RALGAPA2: variants seen among roughly 807,000 people sequenced by gnomAD.
The protein encoded by RALGAPA2 is Ral GTPase activating protein catalytic subunit alpha 2.
Under a neutral mutation model 230.4 loss-of-function variants are expected in RALGAPA2, and 139 were observed. The ratio of observed to expected loss-of-function variants is 0.60; its 90% CI spans 0.53 to 0.69. The LOEUF is 0.69. Among genes scored for constraint, RALGAPA2 ranks in the 30% least tolerant of loss-of-function variants. The pLI is 0.00. For missense variants in RALGAPA2, 2,163 were observed against 2,276.0 expected, an observed-to-expected ratio of 0.95 and a Z score of 1.01; for synonymous variants, 847 against 837.8, an observed-to-expected ratio of 1.01 and a Z score of -0.19.
Position 20,512,918 on chromosome 20 carries a change from C to T in RALGAPA2, c.4451G>A (p.Cys1484Tyr). The T allele has an allele frequency of 6.2e-7, 1 of 1,613,868 alleles. No homozygotes were observed. Among genetic ancestry groups the T allele is most frequent in the Non-Finnish European group, 8.5e-7 (1 of 1,179,784 alleles). ...AGGATTTCTTCCATTGGGTGCTAAGCAGCCTTCCAAAGGTCCATATAAAAC... is the reference window on the plus strand; with the variant it reads ...AGGATTTCTTCCATTGGGTGCTAAGTAGCCTTCCAAAGGTCCATATAAAAC... ...GKVLYGPLEG[C>Y]LAPNGRNPSF... The change falls in exon 32 of 40, where the codon TGC (cysteine) becomes TAC (tyrosine). Residue 1484 changes from cysteine (C) to tyrosine (Y), a missense_variant. Physicochemically the swap from Cys to Tyr is radical, Grantham distance 194. Transcript: ENST00000202677.
intron 21 of RALGAPA2, 97 bp from the exon 22 acceptor site, chr20:20,572,043 A>C (rs2064659586): frequency 1.3e-6 from 1 of 780,440 alleles, no homozygotes; most frequent in Admixed American, 2.4e-5. Context: ...GCTTTCAGTT[A>C]ATTTCTATAA....
chr20:20,669,501 C>T (rs2068064712), intron 3 of RALGAPA2, among the ~76,000 whole-genome samples: 3 of 152,184 alleles, frequency 2.0e-5, no homozygotes, highest in Admixed American at 2.0e-4. Flanking sequence ...CTCTATCCCC[C>T]TCCCCTCAAT....
chr20:20,452,665 G>T (rs1199559251), intron 37 of RALGAPA2, among the ~76,000 whole-genome samples: 3 of 152,238 alleles, frequency 2.0e-5, no homozygotes, highest in African/African-American at 7.2e-5. Flanking sequence ...GCCTTCAGAG[G>T]GGTAAGTGCA....
chr20:20,472,780 C>T, intron 37 of RALGAPA2, 49 bp downstream of exon 37: 1 of 1,561,848 alleles, frequency 6.4e-7, no homozygotes, highest in Non-Finnish European at 8.7e-7. Context: ...TGCCAGGAAT[C>T]TTGATTCTGG....
rs931723506 is a variant in RALGAPA2 at position 20,437,344 on chromosome 20, C to T, written c.5496-25196G>A. Reference sequence around the variant, plus strand: ...AACCTGACCACTTGTCACCACCACACGCCACCATCCAGGCCACGCCATTGT... The same window carrying T: ...AACCTGACCACTTGTCACCACCACATGCCACCATCCAGGCCACGCCATTGT... On this transcript the variant is annotated intron_variant, in intron 37 of 39. Transcript: ENST00000202677. This position sits in a 1 kb window ranked among gnomAD's most constrained non-coding sequence, Gnocchi z 4.1. Among the ~76,000 whole-genome samples, 12 of 152,134 alleles carry T rather than the reference C, an allele frequency of 7.9e-5. No homozygotes were observed. Among genetic ancestry groups the T allele is most frequent in the African/African-American group, 1.4e-4 (6 of 41,420 alleles).
chr20:20,635,393 G>A (rs1341955458), intron 9 of RALGAPA2, 25 bp downstream of exon 9: 2 of 1,554,594 alleles, frequency 1.3e-6, no homozygotes, highest in Non-Finnish European at 1.8e-6. Context: ...AGCATTAACA[G>A]ATAAAAAGAT....
chr20:20,425,323 G>C (rs1444801429), intron 37 of RALGAPA2, among the ~76,000 whole-genome samples: 1 of 152,168 alleles, frequency 6.6e-6, no homozygotes, highest in Non-Finnish European at 1.5e-5. Context: ...GTTGTGTACA[G>C]ATTTTCTTCG....
chr20:20,602,308 GT>G lies in RALGAPA2; in HGVS notation c.2039-463del, dbSNP rs374463250. Among the ~76,000 whole-genome samples the G allele has an allele frequency of 1.5e-4, 23 of 152,322 alleles. No individual in the cohort carries two copies. The East Asian group carries it at 4.2e-3, about 28-fold the overall frequency. ...GCAATCCATGCCTATAAACTCTAAT[GT>G]GGATTCAGTCAAATGGGCAGGATAA... On this transcript the variant is annotated intron_variant, in intron 15 of 39. Coordinates refer to ENST00000202677, the MANE Select transcript of RALGAPA2 (RefSeq NM_020343.4).
At chr20:20,594,208 A>G (rs1223282659) in intron 16 of RALGAPA2, among the ~76,000 whole-genome samples, 1 of 152,198 alleles carries the variant, frequency 6.6e-6, no homozygotes, top group South Asian at 2.1e-4. Context: ...TTGTAACAGT[A>G]TATTTATTGG....
chr20:20,423,742 A>C (rs1351591342), intron 37 of RALGAPA2, among the ~76,000 whole-genome samples: 3 of 152,240 alleles, frequency 2.0e-5, no homozygotes, highest in African/African-American at 7.2e-5. Flanking sequence ...GAATCATTGA[A>C]AGTAAATGTC....
intron 36 of RALGAPA2, among the ~76,000 whole-genome samples, chr20:20,490,959 G>A (rs148848300): frequency 1.2e-3 from 189 of 151,366 alleles, no homozygotes; most frequent in African/African-American, 4.1e-3. Flanking sequence ...CTTCCATGAC[G>A]CTCTGGGGAT....
At chr20:20,558,997 T>A (rs1041948241) in intron 23 of RALGAPA2, among the ~76,000 whole-genome samples, 1 of 152,158 alleles carries the variant, frequency 6.6e-6, no homozygotes, top group Admixed American at 6.5e-5. Context: ...CAAGAACAGA[T>A]TAACAACAAA....
intron 23 of RALGAPA2, among the ~76,000 whole-genome samples, chr20:20,556,809 T>C (rs566083010): frequency 1.3e-5 from 2 of 152,244 alleles, no homozygotes; most frequent in African/African-American, 4.8e-5. Flanking sequence ...AAGGCATTTA[T>C]ACAGCAACAA....
chr20:20,531,877 T>C (rs2063378254), intron 26 of RALGAPA2, 82 bp from the exon 27 acceptor site: 2 of 1,057,990 alleles, frequency 1.9e-6, no homozygotes, highest in South Asian at 1.4e-5. Flanking sequence ...CAAAACACTT[T>C]AAATCTATTT....
intron 37 of RALGAPA2, among the ~76,000 whole-genome samples, chr20:20,458,879 C>T (rs1010186772): frequency 0.042 from 378 of 8,912 alleles, 15 homozygotes; most frequent in African/African-American, 0.18. Context: ...TATATATACA[C>T]ACACACAAAT....
In RALGAPA2 at chr20:20,607,301, G is replaced by A. The variant is rs138038043; in HGVS notation, c.1801-1889C>T. Among the ~76,000 whole-genome samples, 640 of 152,052 alleles carry A rather than the reference G, an allele frequency of 4.2e-3. 6 individuals are homozygous for A. The highest frequency in any genetic ancestry group is 0.015 in the African/African-American group (608 of 41,476). ...ATTTAAAGTGGTCCTTCTGTAATAC[G>A]CCTGTTCTCTGTTTCAATTTGTGTT... On this transcript the variant is annotated intron_variant, in intron 14 of 39. Transcript: ENST00000202677.
intron 30 of RALGAPA2, among the ~76,000 whole-genome samples, chr20:20,521,795 A>G (rs759725453): frequency 1.3e-5 from 2 of 152,224 alleles, no homozygotes; most frequent in Non-Finnish European, 2.9e-5. Context: ...ACTGATTTTT[A>G]TAAGAATCAA....
chr20:20,560,986 A>G (rs1300932458), intron 23 of RALGAPA2, among the ~76,000 whole-genome samples: 1 of 152,260 alleles, frequency 6.6e-6, no homozygotes, highest in African/African-American at 2.4e-5. Flanking sequence ...GCACAAGCCA[A>G]ACAGGCTATG....
At chr20:20,710,393 C>T (rs2069804515) in intron 1 of RALGAPA2, among the ~76,000 whole-genome samples, 1 of 152,112 alleles carries the variant, frequency 6.6e-6, no homozygotes, top group African/African-American at 2.4e-5. Flanking sequence ...GCATTACGTA[C>T]TACTTTTTAA....
Sources: gnomAD v4.1 joint callset for allele counts (sites outside exome capture counted in the v4.1 genomes callset) on GRCh38, gnomAD v4.1.1 for gene constraint, Gnocchi (gnomAD v3.1) non-coding constraint, MANE v1.5 for transcripts, NCBI Gene and HGNC (gene_info 2026-07-23, HGNC 2026-07-21) for gene names.